NUP62: variants seen among roughly 807,000 people sequenced by gnomAD.
The protein encoded by NUP62 is nucleoporin 62, also known as nuclear pore glycoprotein p62.
For missense variants in NUP62, 647 were observed against 689.4 expected, an observed-to-expected ratio of 0.94 and a Z score of 0.69; for synonymous variants, 305 against 303.4, an observed-to-expected ratio of 1.01 and a Z score of -0.05.
rs2122729970 is a variant in NUP62 at position 49,921,665 on chromosome 19, G to C, written c.-78+6029C>G. Reference sequence around the variant, plus strand: ...GCCGCTGACCTCAAAACTCTCCATGGGGGGTACCCCTCTGCCCATTGAGGG... The same window carrying C: ...GCCGCTGACCTCAAAACTCTCCATGCGGGGTACCCCTCTGCCCATTGAGGG... On this transcript the variant is annotated intron_variant, in intron 2 of 2. Coordinates refer to ENST00000352066, the MANE Select transcript of NUP62 (RefSeq NM_016553.5). The surrounding 1 kb of genome is among the most constrained non-coding windows in gnomAD (Gnocchi z 5.4). Among the ~76,000 whole-genome samples, 1 of 152,270 alleles carries C rather than the reference G, an allele frequency of 6.6e-6. No individual in the cohort carries two copies. Among genetic ancestry groups the C allele is most frequent in the Admixed American group, 6.5e-5 (1 of 15,302 alleles).
At chr19:49,912,615 G>A (rs2075500287) in intron 2 of NUP62, among the ~76,000 whole-genome samples, 1 of 152,202 alleles carries the variant, frequency 6.6e-6, no homozygotes, top group Non-Finnish European at 1.5e-5. Context: ...TGTAATCCCA[G>A]CACTTTGGGA....
rs1402783247 is a variant in NUP62, at chr19:49,908,092, A to C, written c.*147T>G. 6.8e-7 allele frequency: 1 copy of C among 1,467,188 alleles called. No homozygotes were observed. Among genetic ancestry groups the C allele is most frequent in the African/African-American group, 1.4e-5 (1 of 70,798 alleles). The allele number at this position is 1,467,188 out of a possible 1,614,324, so 90.9% of individuals were successfully genotyped here. A position where few individuals can be genotyped will look rare whatever the true frequency, so the allele number is the denominator to read the frequency against. On this transcript the variant is annotated 3_prime_UTR_variant, in exon 3 of 3. Coordinates refer to ENST00000352066, the MANE Select transcript of NUP62 (RefSeq NM_016553.5). ...ATACCCTCCTAAATGGAAAAACGCAAAGCACACAGCGATCATGTCAAGGGC... is the reference window on the plus strand; with the variant it reads ...ATACCCTCCTAAATGGAAAAACGCACAGCACACAGCGATCATGTCAAGGGC...
Position 49,907,342 on chromosome 19 carries a change from A to T in NUP62, c.*897T>A, listed in dbSNP as rs973101013. On this transcript the variant is annotated 3_prime_UTR_variant, in exon 3 of 3. Transcript: ENST00000352066. ...GGTGAGCCTGGGCCAGGCAAAAGGCAGGCCTCTCGGCGCCCATCTGTGGTT... is the reference window on the plus strand; with the variant it reads ...GGTGAGCCTGGGCCAGGCAAAAGGCTGGCCTCTCGGCGCCCATCTGTGGTT... The T allele has an allele frequency of 3.2e-6, 1 of 313,882 alleles. No homozygotes were observed. The highest frequency in any genetic ancestry group is 2.3e-5 in the African/African-American group (1 of 43,370). 19.4% of individuals were successfully genotyped at this position (313,882 alleles called of 1,614,324 possible).
rs1418061045 is a variant in NUP62 at position 49,909,367 on chromosome 19, G to C, written c.441C>G (p.Thr147=). 2.5e-6 allele frequency: 4 copies of C among 1,613,720 alleles called. No homozygotes were observed. In the Admixed American group the frequency reaches 6.7e-5, roughly 27 times the overall value. The stretch of plus-strand genomic sequence containing the variant: ...CAGATGTGGTAGCTGGAGCCACAGA[G>C]GTGGTGGAGGGGCCAAACACAAAGC... ...PTGFVFGPST[T]SVAPATTSGG... The change falls in exon 3 of 3, where the codon ACC becomes ACG. Residue 147 remains threonine, a synonymous_variant. Coordinates refer to ENST00000352066, the MANE Select transcript of NUP62 (RefSeq NM_016553.5).
intron 2 of NUP62, among the ~76,000 whole-genome samples, chr19:49,924,286 C>T (rs920324882): frequency 5.9e-5 from 9 of 152,140 alleles, no homozygotes; most frequent in Admixed American, 1.3e-4. Context: ...ATCTGAGGCC[C>T]CTTCTTGGCA....
intron 2 of NUP62, among the ~76,000 whole-genome samples, chr19:49,914,734 T>G (rs941063888): frequency 1.8e-5 from 2 of 109,550 alleles, no homozygotes; most frequent in East Asian, 2.5e-4. Context: ...CAGTTTTTTT[T>G]TTTTTTTTTT....
In NUP62 at chr19:49,920,646, G is replaced by A. The variant is rs144380447; in HGVS notation, c.-78+7048C>T. ...GACTTTACCCCGAGGGCAACGGCTC[G>A]GGCAGAGTTTCTAAGGGCAGGCCCA... On this transcript the variant is annotated intron_variant, in intron 2 of 2. Coordinates refer to ENST00000352066, the MANE Select transcript of NUP62 (RefSeq NM_016553.5). Among the ~76,000 whole-genome samples, 747 of 152,302 alleles carry A rather than the reference G, an allele frequency of 4.9e-3. 8 individuals are homozygous for A. Among genetic ancestry groups the A allele is most frequent in the South Asian group, 0.022 (106 of 4,832 alleles).
intron 1 of NUP62, chr19:49,928,840 G>A (rs1225287704): frequency 6.6e-6 from 1 of 152,270 alleles, no homozygotes; most frequent in Admixed American, 6.5e-5. Context: ...ATGAACTGGT[G>A]CAGGTCTGCG....
At chr19:49,925,470 T>G (rs2075865767) in intron 2 of NUP62, among the ~76,000 whole-genome samples, 1 of 144,270 alleles carries the variant, frequency 6.9e-6, no homozygotes, top group Non-Finnish European at 1.5e-5. Context: ...AAAAATAGCA[T>G]CCTACCTGGC....
Position 49,908,175 on chromosome 19 carries a change from G to A in NUP62, c.*64C>T. ...TATCTTGCCACAACCCCAAACTACA[G>A]ACAACAGGGCGCATTCCCCTCATGA... On this transcript the variant is annotated 3_prime_UTR_variant, in exon 3 of 3. Coordinates refer to ENST00000352066, the MANE Select transcript of NUP62 (RefSeq NM_016553.5). The A allele has an allele frequency of 6.3e-7, 1 of 1,587,096 alleles. No individual in the cohort carries two copies. The highest frequency in any genetic ancestry group is 8.5e-7 in the Non-Finnish European group (1 of 1,170,712).
rs2075345658 is a variant in NUP62 at position 49,907,396 on chromosome 19, C to G, written c.*843G>C. On this transcript the variant is annotated 3_prime_UTR_variant, in exon 3 of 3. Coordinates refer to ENST00000352066, the MANE Select transcript of NUP62 (RefSeq NM_016553.5). The stretch of plus-strand genomic sequence containing the variant: ...CAACACCCTGTGTGTGCAGGCCCCT[C>G]AGCTGACCTGTCTTCTGTGAAATTC... 1 of 379,894 alleles carries G rather than the reference C, an allele frequency of 2.6e-6. No individual in the cohort carries two copies. Among genetic ancestry groups the G allele is most frequent in the Non-Finnish European group, 5.0e-6 (1 of 198,236 alleles). The allele number at this position is 379,894 out of a possible 1,614,324, so 23.5% of individuals were successfully genotyped here.
intron 2 of NUP62, among the ~76,000 whole-genome samples, chr19:49,911,904 A>T (rs999425730): frequency 2.0e-5 from 3 of 152,148 alleles, no homozygotes; most frequent in Non-Finnish European, 4.4e-5. Context: ...GCCTACATCC[A>T]TTCCTCCCGT....
At chr19:49,923,403 C>T (rs764469857) in intron 2 of NUP62, among the ~76,000 whole-genome samples, 3 of 152,120 alleles carry the variant, frequency 2.0e-5, no homozygotes, top group Non-Finnish European at 2.9e-5. Flanking sequence ...CAGCACAGGG[C>T]GGGGGGTTGT....
chr19:49,921,726 C>T lies in NUP62; in HGVS notation c.-78+5968G>A, dbSNP rs371788596. Among the ~76,000 whole-genome samples, 11 of 152,308 alleles carry T rather than the reference C, an allele frequency of 7.2e-5. No homozygotes were observed. Among genetic ancestry groups the T allele is most frequent in the African/African-American group, 2.2e-4 (9 of 41,556 alleles). On this transcript the variant is annotated intron_variant, in intron 2 of 2. Coordinates refer to ENST00000352066, the MANE Select transcript of NUP62 (RefSeq NM_016553.5). The surrounding 1 kb of genome is among the most constrained non-coding windows in gnomAD (Gnocchi z 5.4). The stretch of plus-strand genomic sequence containing the variant: ...GAGCCTAGGGGTCCCGTGAGGCCCT[C>T]CCACCATGGTTCCCCGCCTCTGCCT...
At chr19:49,924,112 G>A (rs2075827984) in intron 2 of NUP62, among the ~76,000 whole-genome samples, 1 of 150,786 alleles carries the variant, frequency 6.6e-6, no homozygotes, top group African/African-American at 2.4e-5. Flanking sequence ...TGAGGTGAGG[G>A]TCAGGGCTTG....
intron 2 of NUP62, among the ~76,000 whole-genome samples, chr19:49,916,713 G>A (rs934986072): frequency 2.0e-5 from 3 of 151,240 alleles, no homozygotes; most frequent in African/African-American, 7.3e-5. Context: ...GCAGTAAGCC[G>A]AGATCACACC....
At chr19:49,925,895 T>A (rs1374756899) in intron 2 of NUP62, among the ~76,000 whole-genome samples, 2 of 152,092 alleles carry the variant, frequency 1.3e-5, no homozygotes, top group South Asian at 2.1e-4. Flanking sequence ...CTACAATTAT[T>A]CCAAAATAAA....
Position 49,918,895 on chromosome 19 carries a change from T to TGGGGGGGGGGGGGGGGGGGG in NUP62, c.-78+8798_-78+8799insCCCCCCCCCCCCCCCCCCCC, listed in dbSNP as rs56129490. On this transcript the variant is annotated intron_variant, in intron 2 of 2. Coordinates refer to ENST00000352066, the MANE Select transcript of NUP62 (RefSeq NM_016553.5). The stretch of plus-strand genomic sequence containing the variant: ...CTGCAATCCCAGCACTTTGGGAGGC[T>TGGGGGGGGGGGGGGGGGGGG]GGGGGGGGGGGGGCGGGGTGTGGGG... Among the ~76,000 whole-genome samples the TGGGGGGGGGGGGGGGGGGGG allele has an allele frequency of 4.1e-5, 3 of 72,344 alleles. No individual in the cohort carries two copies. The Admixed American group carries it at 5.2e-4, about 13-fold the overall frequency. The allele number at this position is 72,344 out of a possible 152,430, so 47.5% of individuals were successfully genotyped here.
At chr19:49,924,421 A>C (rs2075835982) in intron 2 of NUP62, among the ~76,000 whole-genome samples, 1 of 152,106 alleles carries the variant, frequency 6.6e-6, no homozygotes, top group Admixed American at 6.5e-5. Context: ...AGCGGTTGCC[A>C]GGTGTGCTGG....
Sources: gnomAD v4.1 joint callset for allele counts (sites outside exome capture counted in the v4.1 genomes callset) on GRCh38, gnomAD v4.1.1 for gene constraint, Gnocchi (gnomAD v3.1) non-coding constraint, MANE v1.5 for transcripts, NCBI Gene and HGNC (gene_info 2026-07-23, HGNC 2026-07-21) for gene names.